Variants in PSD3 observed in about 807,000 individuals in gnomAD.
PSD3 encodes PH and SEC7 domain-containing protein 3.
A neutral mutation model predicts 105.5 loss-of-function variants in PSD3; 49 were observed. That is an observed-to-expected ratio of 0.46 (90% CI 0.37 to 0.59). PSD3 has a LOEUF of 0.59. Among genes scored for constraint, PSD3 ranks in the 20% least tolerant of loss-of-function variants. PSD3 has a pLI of 0.00. For missense variants in PSD3, 1,561 were observed against 1,263.8 expected (o/e 1.24, Z -3.57); for synonymous variants, 557 against 457.8 (o/e 1.22, Z -2.77).
chr8:18,715,866 A>T (rs1344081379), intron 9 of PSD3, among the ~76,000 whole-genome samples: 1 of 152,246 alleles, frequency 6.6e-6, no homozygotes, highest in East Asian at 1.9e-4. Context: ...CTACTATGTG[A>T]CAGGCATTGT....
intron 12 of PSD3, among the ~76,000 whole-genome samples, chr8:18,599,738 C>G (rs1326854513): frequency 6.6e-6 from 1 of 152,080 alleles, no homozygotes; most frequent in East Asian, 1.9e-4. Flanking sequence ...CAGAAGCCAA[C>G]TTTTCTTATA....
chr8:18,907,919 ATCTT>A (rs1202606929), intron 2 of PSD3, among the ~76,000 whole-genome samples: 1 of 152,194 alleles, frequency 6.6e-6, no homozygotes, highest in Non-Finnish European at 1.5e-5. Flanking sequence ...AATTTTTATA[ATCTT>A]TTGCACTCGG....
intron 10 of PSD3, among the ~76,000 whole-genome samples, chr8:18,650,178 T>G (rs1397931192): frequency 6.6e-6 from 1 of 152,244 alleles, no homozygotes; most frequent in East Asian, 1.9e-4. Context: ...TTTTCCTATT[T>G]GTGTTAATCG....
Position 18,938,882 on chromosome 8 carries a change from C to A in PSD3, c.22-2740G>T, listed in dbSNP as rs112005812. Among the ~76,000 whole-genome samples the A allele has an allele frequency of 7.2e-5, 11 of 152,254 alleles. 2 individuals carry two copies. The highest frequency in any genetic ancestry group is 2.6e-4 in the African/African-American group (11 of 41,546). On this transcript the variant is annotated intron_variant, in intron 1 of 15. Transcript: ENST00000327040. ...ACACCCGAGCAGTCCAAATCTAGAA[C>A]TCGTGGCATTGCGGATGACTCCCAG... is the stretch of plus-strand genomic sequence containing the variant.
intron 1 of PSD3, among the ~76,000 whole-genome samples, chr8:19,062,210 T>C (rs1027803): frequency 0.7 from 106,402 of 152,124 alleles, 40,028 homozygotes; most frequent in East Asian, 0.88. Context: ...ACTAAGGACA[T>C]AGAATTAGAG....
At chr8:18,716,029 G>C in intron 9 of PSD3, among the ~76,000 whole-genome samples, 1 of 152,200 alleles carries the variant, frequency 6.6e-6, no homozygotes, top group East Asian at 1.9e-4. Context: ...AGTAGGGTAA[G>C]AGGACAGAGC....
At chr8:18,979,104 T>C (rs1159582953) in intron 1 of PSD3, among the ~76,000 whole-genome samples, 1 of 152,176 alleles carries the variant, frequency 6.6e-6, no homozygotes, top group Non-Finnish European at 1.5e-5. Flanking sequence ...GTCTTTTTCC[T>C]GCTTTAAAAT....
At chr8:18,845,587 T>C (rs2129451696) in intron 4 of PSD3, among the ~76,000 whole-genome samples, 1 of 152,158 alleles carries the variant, frequency 6.6e-6, no homozygotes, top group East Asian at 1.9e-4. Context: ...CTCCCTCTTC[T>C]CCCTCCCTGC....
At chr8:18,828,047 G>GTGTATATATATA (rs1554515316) in intron 4 of PSD3, among the ~76,000 whole-genome samples, 3 of 126,386 alleles carry the variant, frequency 2.4e-5, no homozygotes, top group African/African-American at 9.3e-5. Flanking sequence ...ATATATATAT[G>GTGTATATATATA]TATATATATA....
intron 4 of PSD3, among the ~76,000 whole-genome samples, chr8:18,838,592 G>A (rs1447240783): frequency 1.3e-5 from 2 of 151,872 alleles, no homozygotes. Flanking sequence ...ATGAGGTCAG[G>A]AGCTCAAGAC....
intron 4 of PSD3, among the ~76,000 whole-genome samples, chr8:18,844,162 A>AATTTATGAGTT (rs573161565): frequency 3.0e-3 from 461 of 152,214 alleles, no homozygotes; most frequent in African/African-American, 0.011. Flanking sequence ...ATAATTATCT[A>AATTTATGAGTT]AGAGCTGTAT....
chr8:18,590,239 C>G (rs1803495118), intron 12 of PSD3, among the ~76,000 whole-genome samples: 1 of 152,108 alleles, frequency 6.6e-6, no homozygotes, highest in Non-Finnish European at 1.5e-5. Flanking sequence ...CCTTCCCAGT[C>G]TCCATTCCAA....
chr8:18,559,400 G>A (rs1168929128), intron 14 of PSD3, among the ~76,000 whole-genome samples: 2 of 152,056 alleles, frequency 1.3e-5, no homozygotes, highest in Non-Finnish European at 2.9e-5. Context: ...GGTTTACTGG[G>A]TTTCCTCTTC....
chr8:18,708,920 T>A (rs1802066104), intron 9 of PSD3, among the ~76,000 whole-genome samples: 1 of 151,280 alleles, frequency 6.6e-6, no homozygotes, highest in Admixed American at 6.6e-5. Flanking sequence ...AGGTGGAGAG[T>A]GATCATACTA....
At chr8:19,015,550 C>T (rs1371896784), upstream of PSD3, among the ~76,000 whole-genome samples, 1 of 152,158 alleles carries the variant, frequency 6.6e-6, no homozygotes, top group Non-Finnish European at 1.5e-5. Context: ...TAGTTGCTAC[C>T]CTGAGGCTTG....
At chr8:19,000,417 A>G (rs1431754959) in intron 1 of PSD3, among the ~76,000 whole-genome samples, 18 of 151,066 alleles carry the variant, frequency 1.2e-4, no homozygotes, top group African/African-American at 3.6e-4. Flanking sequence ...AAGAGAGAGA[A>G]AAAAAACCTG....
chr8:18,796,783 C>T (rs10503634), intron 8 of PSD3, among the ~76,000 whole-genome samples: 108,346 of 151,986 alleles, frequency 0.71, 40,026 homozygotes, highest in Non-Finnish European at 0.81. Flanking sequence ...TATGACACAA[C>T]GGTAAGGAAA....
At chr8:18,912,687 C>T (rs1563412558) in intron 2 of PSD3, among the ~76,000 whole-genome samples, 1 of 152,080 alleles carries the variant, frequency 6.6e-6, no homozygotes, top group African/African-American at 2.4e-5. Flanking sequence ...TGCTTCAGTC[C>T]CGACCAGAAC....
chr8:18,633,476 G>C (rs1352828922), intron 10 of PSD3, among the ~76,000 whole-genome samples: 3 of 152,018 alleles, frequency 2.0e-5, no homozygotes, highest in African/African-American at 7.2e-5. Flanking sequence ...TGTACCCAAT[G>C]TTTAGCTTCC....
Sources: gnomAD v4.1 joint callset for allele counts (sites outside exome capture counted in the v4.1 genomes callset) on GRCh38, gnomAD v4.1.1 for gene constraint, MANE v1.5 for transcripts, NCBI Gene and HGNC (gene_info 2026-07-23, HGNC 2026-07-21) for gene names.